Variants in ASIC2 observed in about 807,000 individuals in gnomAD.
ASIC2 encodes the protein acid sensing ion channel subunit 2, also known as acid-sensing ion channel 2.
A neutral mutation model predicts 57.3 loss-of-function variants in ASIC2; 25 were observed. The ratio of observed to expected loss-of-function variants is 0.44; its 90% confidence interval spans 0.32 to 0.61. The LOEUF (loss-of-function observed/expected upper bound fraction) is 0.61, where lower values mean the gene tolerates loss of function less well. ASIC2 is among the 20% of genes least tolerant of loss of function. ASIC2 has a pLI of 0.06. For missense variants in ASIC2, 641 were observed against 738.1 expected, an observed-to-expected ratio of 0.87 and a Z score of 1.52; for synonymous variants, 319 against 307.5, an observed-to-expected ratio of 1.04 and a Z score of -0.39.
At chr17:33,901,201 G>A (rs1031316757) in intron 1 of ASIC2, among the ~76,000 whole-genome samples, 13 of 152,078 alleles carry the variant, frequency 8.5e-5, no homozygotes, top group African/African-American at 3.1e-4. Flanking sequence ...ATTCACTCCT[G>A]CCTCTGGCTC....
intron 1 of ASIC2, among the ~76,000 whole-genome samples, chr17:33,257,576 G>C (rs566043116): frequency 3.9e-5 from 6 of 152,302 alleles, no homozygotes; most frequent in African/African-American, 1.4e-4. Context: ...CCCTGTGCAC[G>C]TTCTTCTGCC....
At chr17:33,501,190 A>G (rs1216618828) in intron 1 of ASIC2, among the ~76,000 whole-genome samples, 5 of 152,236 alleles carry the variant, frequency 3.3e-5, no homozygotes, top group African/African-American at 1.2e-4. Flanking sequence ...GTTAATGGAC[A>G]CGTGATGCCG....
intron 1 of ASIC2, among the ~76,000 whole-genome samples, chr17:33,872,400 C>G (rs1409250673): frequency 6.6e-6 from 1 of 152,146 alleles, no homozygotes; most frequent in Non-Finnish European, 1.5e-5. Context: ...TTGGCTCAAT[C>G]ATTCAGTCAT....
intron 1 of ASIC2, chr17:34,038,653 C>A: frequency 1.4e-5 from 22 of 1,588,328 alleles, no homozygotes; most frequent in Non-Finnish European, 1.8e-5. Context: ...CCCTTTCTAG[C>A]CTCTCCAGCT....
chr17:33,175,042 C>T (rs1340675084), intron 1 of ASIC2, among the ~76,000 whole-genome samples: 2 of 152,084 alleles, frequency 1.3e-5, no homozygotes, highest in South Asian at 2.1e-4. Context: ...AATTAAGATG[C>T]TATAAATTGA....
chr17:34,052,243 C>A (rs1002657831), intron 1 of ASIC2, among the ~76,000 whole-genome samples: 1 of 152,140 alleles, frequency 6.6e-6, no homozygotes, highest in Non-Finnish European at 1.5e-5. Context: ...CCTTATTGCC[C>A]CTGAGCCAAG....
intron 1 of ASIC2, among the ~76,000 whole-genome samples, chr17:33,990,369 A>T (rs938905663): frequency 1.3e-5 from 2 of 152,208 alleles, no homozygotes; most frequent in African/African-American, 2.4e-5. Context: ...TTAAAAAAAA[A>T]TTTTAATATT....
intron 1 of ASIC2, among the ~76,000 whole-genome samples, chr17:33,236,114 G>A (rs1334262273): frequency 6.6e-6 from 1 of 151,288 alleles, no homozygotes; most frequent in Non-Finnish European, 1.5e-5. Flanking sequence ...GGATTACAGG[G>A]AGTTGATGAT....
chr17:33,313,533 TGTCTTTTTCATCACAGGAATGTG>T lies in ASIC2; in HGVS notation c.556-201489_556-201467del, dbSNP rs546404718. ...TATATAATTAGGTCCAATAAATGTT[TGTCTTTTTCATCACAGGAATGTG>T]GACTTTATCATTCTCTACAAATCCC... On this transcript the variant is annotated intron_variant, in intron 1 of 9. Transcript: ENST00000359872. 5.9e-3 allele frequency among the ~76,000 whole-genome samples: 899 copies of T among 152,274 alleles called. 7 individuals carry two copies. Among genetic ancestry groups the T allele is most frequent in the Middle Eastern group, 0.01 (3 of 294 alleles).
intron 1 of ASIC2, among the ~76,000 whole-genome samples, chr17:33,118,923 G>A (rs1022053677): frequency 4.6e-5 from 7 of 152,168 alleles, no homozygotes; most frequent in Non-Finnish European, 8.8e-5. Flanking sequence ...TGGGCTTGGT[G>A]TGATCTGCTG....
At chr17:33,934,123 G>A (rs530234450) in intron 1 of ASIC2, among the ~76,000 whole-genome samples, 3 of 152,296 alleles carry the variant, frequency 2.0e-5, no homozygotes, top group East Asian at 3.9e-4. Flanking sequence ...GAGACAGAAG[G>A]TCACGGTGGC....
intron 1 of ASIC2, among the ~76,000 whole-genome samples, chr17:33,526,759 A>G (rs1024469929): frequency 2.0e-5 from 3 of 150,172 alleles, no homozygotes; most frequent in Non-Finnish European, 4.4e-5. Flanking sequence ...TGGGCTGCCC[A>G]CCCCTTCTCC....
At chr17:33,257,658 ACACAACC>A (rs1318341853) in intron 1 of ASIC2, among the ~76,000 whole-genome samples, 1 of 152,140 alleles carries the variant, frequency 6.6e-6, no homozygotes, top group African/African-American at 2.4e-5. Context: ...CTCTCCATGC[ACACAACC>A]TAGCCCTTCC....
chr17:33,051,599 A>G (rs1191033349), intron 3 of ASIC2, among the ~76,000 whole-genome samples: 2 of 152,174 alleles, frequency 1.3e-5, no homozygotes, highest in Admixed American at 6.5e-5. Flanking sequence ...CCTAAGCTTG[A>G]AATTCATCCT....
chr17:34,085,208 G>A (rs936787786), intron 1 of ASIC2, among the ~76,000 whole-genome samples: 1 of 152,108 alleles, frequency 6.6e-6, no homozygotes, highest in Non-Finnish European at 1.5e-5. Context: ...TTTGAGATAT[G>A]TCCCATCAAT....
chr17:33,328,796 T>C (rs184264108), intron 1 of ASIC2, among the ~76,000 whole-genome samples: 2 of 152,334 alleles, frequency 1.3e-5, no homozygotes, highest in East Asian at 3.9e-4. Flanking sequence ...TATGAAGTTT[T>C]TAAAATAGAA....
chr17:33,966,339 C>G (rs1905072406), intron 1 of ASIC2, among the ~76,000 whole-genome samples: 1 of 152,160 alleles, frequency 6.6e-6, no homozygotes, highest in Non-Finnish European at 1.5e-5. Flanking sequence ...GCTGTGTGAC[C>G]TTGGGTAAAT....
intron 1 of ASIC2, among the ~76,000 whole-genome samples, chr17:33,615,446 A>G (rs1010836384): frequency 6.6e-6 from 1 of 152,242 alleles, no homozygotes; most frequent in Non-Finnish European, 1.5e-5. Context: ...TAACTGGAAA[A>G]TTATGGACAT....
At chr17:33,055,033 A>G (rs565139983) in intron 3 of ASIC2, among the ~76,000 whole-genome samples, 7 of 152,238 alleles carry the variant, frequency 4.6e-5, no homozygotes, top group Admixed American at 6.5e-5. Context: ...CAGCTCTCCT[A>G]CATGCATTTC....
Sources: allele counts gnomAD v4.1 joint callset (sites outside exome capture counted in the v4.1 genomes callset), GRCh38; gene constraint gnomAD v4.1.1; transcripts MANE v1.5; gene names NCBI Gene and HGNC (gene_info 2026-07-23, HGNC 2026-07-21).